The following PPM1E variants were observed in gnomAD, a reference collection of about 807,000 sequenced individuals.
The protein encoded by PPM1E is protein phosphatase, Mg2+/Mn2+ dependent 1E.
Under a neutral mutation model 65.9 loss-of-function variants are expected in PPM1E, and 20 were observed. That is an observed-to-expected ratio of 0.30 (90% CI 0.21 to 0.44). The LOEUF (loss-of-function observed/expected upper bound fraction) is 0.44. Among genes scored for constraint, PPM1E ranks in the 20% least tolerant of loss-of-function variants. The probability of loss-of-function intolerance (pLI) is 1.00; values close to 1 mark genes in which losing one functional copy is unlikely to be tolerated. For synonymous variants in PPM1E, 352 were observed against 374.9 expected, an observed-to-expected ratio of 0.94 and a Z score of 0.70; for missense variants, 713 against 953.1, an observed-to-expected ratio of 0.75 and a Z score of 3.32.
intron 1 of PPM1E, among the ~76,000 whole-genome samples, chr17:58,815,864 G>C (rs570750122): frequency 6.6e-6 from 1 of 151,584 alleles, no homozygotes; most frequent in Admixed American, 6.6e-5. Flanking sequence ...TGGAATAAAG[G>C]GTTTCCTATT....
chr17:58,812,900 CT>C (rs1235327212), intron 1 of PPM1E, among the ~76,000 whole-genome samples: 1 of 152,066 alleles, frequency 6.6e-6, no homozygotes, highest in South Asian at 2.1e-4. Context: ...TTCCTCAAGT[CT>C]TTTCAGAAGC....
At chr17:58,909,654 G>A (rs1025759080) in intron 1 of PPM1E, among the ~76,000 whole-genome samples, 5 of 152,028 alleles carry the variant, frequency 3.3e-5, no homozygotes, top group Non-Finnish European at 5.9e-5. Context: ...TGGTTTCTGA[G>A]GAAAAGATAG....
chr17:58,944,592 A>C (rs1402660219), intron 1 of PPM1E, among the ~76,000 whole-genome samples: 4 of 152,124 alleles, frequency 2.6e-5, no homozygotes, highest in Non-Finnish European at 5.9e-5. Flanking sequence ...TAAATTCTAC[A>C]ATAAGTGGTC....
chr17:58,929,688 T>C (rs2051867730), intron 1 of PPM1E, among the ~76,000 whole-genome samples: 1 of 152,162 alleles, frequency 6.6e-6, no homozygotes, highest in African/African-American at 2.4e-5. Flanking sequence ...TACTGAGAAG[T>C]AGAAAAAAAG....
intron 1 of PPM1E, among the ~76,000 whole-genome samples, chr17:58,929,346 T>G (rs2051864054): frequency 6.6e-6 from 1 of 152,186 alleles, no homozygotes; most frequent in Non-Finnish European, 1.5e-5. Flanking sequence ...GGAGTAATTA[T>G]GATGTCCTAT....
In PPM1E at chr17:58,886,114, T is replaced by C. The variant is rs558248996; in HGVS notation, c.465-69535T>C. Among the ~76,000 whole-genome samples the C allele has an allele frequency of 2.6e-5, 4 of 152,322 alleles. No homozygotes were observed. The South Asian group carries it at 8.3e-4, about 32-fold the overall frequency. The stretch of plus-strand genomic sequence containing the variant: ...ATTTGTTCTCCCTTTTCTAAAAATA[T>C]GTTATCCACTGTAAAACATGCTATG... On this transcript the variant is annotated intron_variant, in intron 1 of 6. Coordinates refer to ENST00000308249, the MANE Select transcript of PPM1E (RefSeq NM_014906.5).
intron 1 of PPM1E, among the ~76,000 whole-genome samples, chr17:58,927,652 G>A (rs916338205): frequency 1.4e-4 from 21 of 152,126 alleles, no homozygotes; most frequent in Non-Finnish European, 2.8e-4. Flanking sequence ...GCTCACTCCT[G>A]TAATCCCAGT....
Position 58,756,342 on chromosome 17 carries a change from G to T in PPM1E, c.345G>T (p.Pro115=), listed in dbSNP as rs561446257. The change falls in exon 1 of 7, where the codon CCG becomes CCT. Residue 115 remains proline, a synonymous_variant. Coordinates refer to ENST00000308249, the MANE Select transcript of PPM1E (RefSeq NM_014906.5). ...CAGCCCCGGGGCACTCGGCCGTGCC[G>T]CCGCCGCCGCCCCAGCTGCCGCCTT... ...AAAAPGHSAV[P]PPPPQLPPLP... is the part of the protein sequence containing the mutation. 6 of 1,383,820 alleles carry T rather than the reference G, an allele frequency of 4.3e-6. No homozygotes were observed. In the South Asian group the frequency reaches 9.0e-5, roughly 21 times the overall value. 85.7% of individuals were successfully genotyped at this position (1,383,820 alleles called of 1,614,324 possible). A position where few individuals can be genotyped will look rare whatever the true frequency, so the allele number is the denominator to read the frequency against.
At chr17:58,933,967 C>T (rs1372869391) in intron 1 of PPM1E, among the ~76,000 whole-genome samples, 3 of 151,726 alleles carry the variant, frequency 2.0e-5, no homozygotes, top group Non-Finnish European at 4.4e-5. Context: ...TGGCGGCACG[C>T]GCCTGTAATC....
At chr17:58,823,725 A>AATTT (rs1205331845) in intron 1 of PPM1E, among the ~76,000 whole-genome samples, 2 of 152,048 alleles carry the variant, frequency 1.3e-5, no homozygotes, top group Admixed American at 6.6e-5. Context: ...GCAGAATTTA[A>AATTT]ATTTATTTAT....
intron 1 of PPM1E, among the ~76,000 whole-genome samples, chr17:58,799,474 G>T (rs2050238680): frequency 6.6e-6 from 1 of 151,398 alleles, no homozygotes; most frequent in Admixed American, 6.6e-5. Context: ...ATGGAGTCTT[G>T]CTCTGTCACC....
intron 1 of PPM1E, among the ~76,000 whole-genome samples, chr17:58,936,948 G>A (rs1291694392): frequency 3.9e-5 from 6 of 152,012 alleles, no homozygotes; most frequent in Non-Finnish European, 7.4e-5. Flanking sequence ...ATTCTCTAAT[G>A]GAAAATACGA....
chr17:58,826,531 A>G (rs912519298), intron 1 of PPM1E, among the ~76,000 whole-genome samples: 5 of 152,218 alleles, frequency 3.3e-5, no homozygotes, highest in African/African-American at 4.8e-5. Flanking sequence ...AAATTATACA[A>G]TAAAATTGTT....
chr17:58,924,520 T>C (rs778317724), intron 1 of PPM1E, among the ~76,000 whole-genome samples: 2 of 152,036 alleles, frequency 1.3e-5, no homozygotes, highest in African/African-American at 4.8e-5. Context: ...CACTGCACTC[T>C]AACCTGGGCA....
chr17:58,975,759 C>T (rs780435200), intron 6 of PPM1E, among the ~76,000 whole-genome samples: 2 of 152,230 alleles, frequency 1.3e-5, no homozygotes, highest in East Asian at 1.9e-4. Flanking sequence ...CAGGTGAATA[C>T]GCAGAGGGGC....
In PPM1E at chr17:58,983,769, A is replaced by G. The variant is rs1206805488; in HGVS notation, c.*2738A>G. On this transcript the variant is annotated 3_prime_UTR_variant, in exon 7 of 7. Coordinates refer to ENST00000308249, the MANE Select transcript of PPM1E (RefSeq NM_014906.5). ...AAAGAGTGGCAGTATCCCTTTTTCA[A>G]TTTAACATGGTCTGCATCAATCTGT... 1 of 152,574 alleles carries G rather than the reference A, an allele frequency of 6.6e-6. No individual in the cohort carries two copies. Among genetic ancestry groups the G allele is most frequent in the Non-Finnish European group, 1.5e-5 (1 of 68,026 alleles). The allele number at this position is 152,574 out of a possible 1,614,324, so 9.5% of individuals were successfully genotyped here.
At chr17:58,791,277 AATTATCAG>A (rs897480723) in intron 1 of PPM1E, among the ~76,000 whole-genome samples, 42 of 152,310 alleles carry the variant, frequency 2.8e-4, no homozygotes, top group African/African-American at 1.0e-3. Flanking sequence ...CCAGAATGTA[AATTATCAG>A]ATTATCAGAT....
intron 1 of PPM1E, among the ~76,000 whole-genome samples, chr17:58,851,905 C>T (rs958406732): frequency 3.3e-5 from 5 of 152,232 alleles, no homozygotes; most frequent in Non-Finnish European, 7.3e-5. Flanking sequence ...AGGCAGGCCT[C>T]CTTCGGCTGC....
intron 1 of PPM1E, among the ~76,000 whole-genome samples, chr17:58,825,083 G>A (rs12947196): frequency 0.25 from 37,646 of 151,642 alleles, 5,433 homozygotes; most frequent in Middle Eastern, 0.42. Context: ...TATACTGCTC[G>A]GGTGATGAGT....
Sources: gnomAD v4.1 joint callset for allele counts (sites outside exome capture counted in the v4.1 genomes callset) on GRCh38, gnomAD v4.1.1 for gene constraint, MANE v1.5 for transcripts, NCBI Gene and HGNC (gene_info 2026-07-23, HGNC 2026-07-21) for gene names.